SYN3: variants seen among roughly 807,000 people sequenced by gnomAD.
The protein encoded by SYN3 is synapsin-3.
SYN3 carries 35 observed loss-of-function variants against 65.8 expected under a neutral mutation model. The ratio of observed to expected loss-of-function variants is 0.53; its 90% CI spans 0.41 to 0.70. The LOEUF (loss-of-function observed/expected upper bound fraction) is 0.70, where lower values mean the gene tolerates loss of function less well. SYN3 is among the 30% of genes least tolerant of loss of function. The pLI is 0.00. For synonymous variants in SYN3, 270 were observed against 292.9 expected (o/e 0.92, Z 0.80); for missense variants, 680 against 749.0 (o/e 0.91, Z 1.08).
At chr22:33,020,688 T>C (rs1326715342) in intron 1 of SYN3, among the ~76,000 whole-genome samples, 1 of 152,096 alleles carries the variant, frequency 6.6e-6, no homozygotes, top group Non-Finnish European at 1.5e-5. Flanking sequence ...ACAAATCCTA[T>C]ATAAAAGGGA....
At chr22:32,844,287 T>G (rs764996754) in intron 6 of SYN3, among the ~76,000 whole-genome samples, 3 of 152,186 alleles carry the variant, frequency 2.0e-5, no homozygotes, top group African/African-American at 4.8e-5. Flanking sequence ...ACAGCACATG[T>G]GCAATTTCTG....
At chr22:32,573,447 A>G (rs1327644461) in intron 7 of SYN3, among the ~76,000 whole-genome samples, 1 of 152,178 alleles carries the variant, frequency 6.6e-6, no homozygotes, top group African/African-American at 2.4e-5. Context: ...ATTCAAGGAC[A>G]CAAAATAGAA....
chr22:33,002,796 T>C (rs1156743758), intron 2 of SYN3, among the ~76,000 whole-genome samples: 2 of 152,188 alleles, frequency 1.3e-5, no homozygotes, highest in African/African-American at 4.8e-5. Context: ...TGGGATGCAT[T>C]CATTTATTCA....
chr22:32,754,155 CCTTT>C (rs2045223655), intron 6 of SYN3, among the ~76,000 whole-genome samples: 1 of 152,078 alleles, frequency 6.6e-6, no homozygotes, highest in Non-Finnish European at 1.5e-5. Context: ...TCCCTCCCTT[CCTTT>C]TTTTCTTTTT....
intron 3 of SYN3, among the ~76,000 whole-genome samples, chr22:32,941,577 A>G (rs2050939664): frequency 6.6e-6 from 1 of 150,602 alleles, no homozygotes; most frequent in African/African-American, 2.4e-5. Context: ...GGTTCATCTC[A>G]CTGGGGTGTG....
intron 1 of SYN3, among the ~76,000 whole-genome samples, chr22:33,039,502 C>A (rs938469852): frequency 4.6e-5 from 7 of 151,632 alleles, no homozygotes; most frequent in African/African-American, 7.3e-5. Context: ...TCAAGCGATT[C>A]TCCTGCCTCA....
rs1321612042 is a variant in SYN3, at chr22:32,801,750, C to CCTCCTCTTG, written c.711+63156_711+63164dup. On this transcript the variant is annotated intron_variant, in intron 6 of 13. Transcript: ENST00000358763. This position sits in a 1 kb window ranked among gnomAD's most constrained non-coding sequence, Gnocchi z 4.7. ...GGCGGGCGCTCAGACGGCTTCTCCT[C>CCTCCTCTTG]CTCCTCTTGCTCCTCCAGCTCCTGC... 6 of 245,408 alleles carry CCTCCTCTTG rather than the reference C, an allele frequency of 2.4e-5. No individual in the cohort carries two copies. Among genetic ancestry groups the CCTCCTCTTG allele is most frequent in the Non-Finnish European group, 4.4e-5 (6 of 135,078 alleles). The allele number at this position is 245,408 out of a possible 1,614,324, so 15.2% of individuals were successfully genotyped here. A position where few individuals can be genotyped will look rare whatever the true frequency, so the allele number is the denominator to read the frequency against.
chr22:32,566,708 G>T (rs986056588), intron 7 of SYN3, among the ~76,000 whole-genome samples: 2 of 149,940 alleles, frequency 1.3e-5, no homozygotes, highest in Non-Finnish European at 2.9e-5. Context: ...ACAACTACAG[G>T]CTCCTTTTTA....
chr22:32,530,776 G>A (rs1415054591), intron 10 of SYN3, among the ~76,000 whole-genome samples: 3 of 151,784 alleles, frequency 2.0e-5, no homozygotes, highest in Admixed American at 6.6e-5. Context: ...AGGCCGGGGC[G>A]GGCGGATCAC....
chr22:32,890,690 A>C (rs137513), intron 4 of SYN3, among the ~76,000 whole-genome samples: 149,433 of 152,282 alleles, frequency 0.98, 73,329 homozygotes, highest in East Asian at 1. Flanking sequence ...GATTTAGCAC[A>C]TTTTTAACCT....
intron 1 of SYN3, among the ~76,000 whole-genome samples, chr22:33,026,172 G>A (rs1354989802): frequency 6.6e-6 from 1 of 152,196 alleles, no homozygotes; most frequent in Non-Finnish European, 1.5e-5. Flanking sequence ...TTGGGGGTCT[G>A]TGTTGTTTAT....
intron 6 of SYN3, among the ~76,000 whole-genome samples, chr22:32,643,078 TTTTTTG>T (rs1370328012): frequency 1.3e-5 from 2 of 152,142 alleles, no homozygotes; most frequent in Non-Finnish European, 2.9e-5. Flanking sequence ...TGTTTGTTTG[TTTTTTG>T]TTTTTGTTTT....
In SYN3 at chr22:32,510,491, G is replaced by A. The variant is rs572144597; in HGVS notation, c.*3201C>T. ...GTTGAAGAGGGACGATTGCCACAGG[G>A]GTTTCCTGTGTTCTTAATCTCCTGA... is the stretch of plus-strand genomic sequence containing the variant. On this transcript the variant is annotated 3_prime_UTR_variant, in exon 14 of 14. Transcript: ENST00000358763. Among the ~76,000 whole-genome samples, 1 of 152,078 alleles carries A rather than the reference G, an allele frequency of 6.6e-6. No homozygotes were observed. Among genetic ancestry groups the A allele is most frequent in the Admixed American group, 6.5e-5 (1 of 15,270 alleles).
chr22:32,975,894 T>A (rs1293788542), intron 3 of SYN3, among the ~76,000 whole-genome samples: 1 of 152,204 alleles, frequency 6.6e-6, no homozygotes. Context: ...TGAATTAACA[T>A]CCAACTTACA....
chr22:32,790,153 G>A (rs568772761), intron 6 of SYN3, among the ~76,000 whole-genome samples: 2 of 152,254 alleles, frequency 1.3e-5, no homozygotes, highest in African/African-American at 4.8e-5. Context: ...AGTACAAAGA[G>A]CCCTCATTTG....
In SYN3 at chr22:32,509,629, T is replaced by C. The variant is rs112820650; in HGVS notation, c.*4063A>G. On this transcript the variant is annotated 3_prime_UTR_variant, in exon 14 of 14. Coordinates refer to ENST00000358763, the MANE Select transcript of SYN3 (RefSeq NM_003490.4). ...TGTTGCCCAGGCTGGAGTGCAGTGG[T>C]GCGATCTCGGCTCACTGCAAGCTCC... 0.11 allele frequency among the ~76,000 whole-genome samples: 16,107 copies of C among 151,814 alleles called. 2,143 individuals carry two copies. The highest frequency in any genetic ancestry group is 0.31 in the African/African-American group (12,925 of 41,260).
At chr22:32,843,153 A>G (rs2047962241) in intron 6 of SYN3, among the ~76,000 whole-genome samples, 1 of 152,168 alleles carries the variant, frequency 6.6e-6, no homozygotes, top group African/African-American at 2.4e-5. Flanking sequence ...ACAGTTGGAA[A>G]GTAGGGACAT....
chr22:32,673,872 T>G (rs1309984974), intron 6 of SYN3, among the ~76,000 whole-genome samples: 1 of 151,516 alleles, frequency 6.6e-6, no homozygotes, highest in Non-Finnish European at 1.5e-5. Context: ...TGCTGAGGAG[T>G]ATAGGCTTTC....
intron 3 of SYN3, 37 bp downstream of exon 3, chr22:32,980,608 G>T (rs776107137): frequency 2.5e-6 from 4 of 1,601,524 alleles, no homozygotes; most frequent in African/African-American, 1.3e-5. Context: ...GGCAGAAAAG[G>T]TCAGTTGACA....
Sources: allele counts gnomAD v4.1 joint callset (sites outside exome capture counted in the v4.1 genomes callset), GRCh38; gene constraint gnomAD v4.1.1; non-coding constraint Gnocchi (gnomAD v3.1); transcripts MANE v1.5; gene names NCBI Gene and HGNC (gene_info 2026-07-23, HGNC 2026-07-21).